CDC42SE2: variants seen among roughly 807,000 people sequenced by gnomAD.
The protein encoded by CDC42SE2 is CDC42 small effector protein 2.
In CDC42SE2, 3 loss-of-function variants were observed where a neutral mutation model predicts 11.5. That is an observed-to-expected ratio of 0.26 (90% confidence interval 0.12 to 0.67). The LOEUF is 0.67. Among genes scored for constraint, CDC42SE2 ranks in the 30% least tolerant of loss-of-function variants. CDC42SE2 has a pLI of 0.80. For synonymous variants in CDC42SE2, 33 were observed against 34.8 expected, an observed-to-expected ratio of 0.95 and a Z score of 0.18; for missense variants, 82 against 106.8, an observed-to-expected ratio of 0.77 and a Z score of 1.02.
chr5:131,224,659 T>A, the CDC42SE2 span, among the ~76,000 whole-genome samples: 4 of 152,070 alleles, frequency 2.6e-5, no homozygotes, highest in Admixed American at 2.6e-4. Context: ...GTGAGCTTCA[T>A]AAATGTAAGA....
the CDC42SE2 span, among the ~76,000 whole-genome samples, chr5:131,235,291 CAT>C: frequency 6.9e-5 from 9 of 130,914 alleles, no homozygotes; most frequent in African/African-American, 3.4e-4. Context: ...CACATCCAGA[CAT>C]TTTTTTTTTT....
intron 2 of CDC42SE2, among the ~76,000 whole-genome samples, chr5:131,342,282 A>T (rs1580766651): frequency 6.8e-6 from 1 of 147,544 alleles, no homozygotes; most frequent in Admixed American, 6.7e-5. Flanking sequence ...CCTTCTCAAA[A>T]AAAAAAAAAA....
the CDC42SE2 span, among the ~76,000 whole-genome samples, chr5:131,232,952 A>T: frequency 1.2e-4 from 18 of 151,358 alleles, no homozygotes; most frequent in Admixed American, 6.6e-4. Context: ...AAAGAAAAAA[A>T]TTTTTTGAAA....
At chr5:131,306,585 T>C (rs1757782965) in intron 1 of CDC42SE2, among the ~76,000 whole-genome samples, 2 of 152,216 alleles carry the variant, frequency 1.3e-5, no homozygotes. Context: ...TCTTTTGTGG[T>C]TTTATATGAA....
chr5:131,239,352 A>T, the CDC42SE2 span, among the ~76,000 whole-genome samples: 2 of 151,482 alleles, frequency 1.3e-5, no homozygotes, highest in African/African-American at 4.9e-5. Flanking sequence ...TGGGAGTATC[A>T]CTTGAGCCCA....
At chr5:131,238,500 T>TAAAAA in the CDC42SE2 span, among the ~76,000 whole-genome samples, 2 of 103,546 alleles carry the variant, frequency 1.9e-5, no homozygotes, top group African/African-American at 3.4e-5. Context: ...CAGACTCGTC[T>TAAAAA]AAAAAAAAAA....
chr5:131,323,190 C>CTT (rs397884786), intron 2 of CDC42SE2, among the ~76,000 whole-genome samples: 11 of 137,152 alleles, frequency 8.0e-5, no homozygotes, highest in African/African-American at 2.9e-4. Flanking sequence ...CCACACCTGG[C>CTT]TTTTTTTTTT....
At chr5:131,390,661 C>T (rs545648155) in intron 4 of CDC42SE2, among the ~76,000 whole-genome samples, 7 of 151,440 alleles carry the variant, frequency 4.6e-5, no homozygotes, top group East Asian at 1.9e-4. Context: ...GGCAACAGAG[C>T]GAGACTGTCT....
chr5:131,345,273 T>A (rs1310054049), intron 2 of CDC42SE2, among the ~76,000 whole-genome samples: 1 of 151,974 alleles, frequency 6.6e-6, no homozygotes, highest in East Asian at 1.9e-4. Context: ...ATGAGACGAA[T>A]GGCTAACTAG....
chr5:131,274,470 G>A (rs1757059800), intron 1 of CDC42SE2, among the ~76,000 whole-genome samples: 1 of 152,184 alleles, frequency 6.6e-6, no homozygotes, highest in African/African-American at 2.4e-5. Flanking sequence ...TGCCACCTCT[G>A]TAAGCAACCA....
intron 3 of CDC42SE2, among the ~76,000 whole-genome samples, chr5:131,374,314 G>A (rs1750089428): frequency 6.6e-6 from 1 of 151,988 alleles, no homozygotes. Context: ...GGAGGCCAAG[G>A]CAGGTGGATC....
intron 2 of CDC42SE2, among the ~76,000 whole-genome samples, chr5:131,355,595 T>C (rs553601748): frequency 7.9e-5 from 12 of 152,322 alleles, no homozygotes; most frequent in African/African-American, 2.6e-4. Flanking sequence ...AAATTAGTGC[T>C]ATAACTGTCA....
At chr5:131,311,483 T>G (rs1290702149) in intron 1 of CDC42SE2, among the ~76,000 whole-genome samples, 1 of 151,638 alleles carries the variant, frequency 6.6e-6, no homozygotes. Context: ...AATCTGAACG[T>G]TGGCCTGCCT....
At chr5:131,257,988 T>C (rs1756691873) in intron 2 of CDC42SE2, among the ~76,000 whole-genome samples, 1 of 152,076 alleles carries the variant, frequency 6.6e-6, no homozygotes, top group East Asian at 1.9e-4. Flanking sequence ...AGAAGTATCC[T>C]CTCCTCTGCA....
chr5:131,278,508 G>T (rs1304706819), intron 1 of CDC42SE2, among the ~76,000 whole-genome samples: 2 of 21,218 alleles, frequency 9.4e-5, no homozygotes, highest in African/African-American at 1.7e-3. Context: ...CCAGCTCCAT[G>T]TGTGACATCA....
intron 1 of CDC42SE2, among the ~76,000 whole-genome samples, chr5:131,272,545 C>G (rs994349084): frequency 6.6e-6 from 1 of 152,118 alleles, no homozygotes. Flanking sequence ...ATGGTCTCCA[C>G]TCGTGCTCCT....
At chr5:131,339,115 G>T (rs897097822) in intron 2 of CDC42SE2, among the ~76,000 whole-genome samples, 3 of 151,746 alleles carry the variant, frequency 2.0e-5, no homozygotes, top group African/African-American at 7.3e-5. Context: ...GGGCGTAGTG[G>T]TGCACGTCTG....
intron 2 of CDC42SE2, among the ~76,000 whole-genome samples, chr5:131,325,817 T>G (rs888313025): frequency 6.6e-6 from 1 of 151,464 alleles, no homozygotes; most frequent in African/African-American, 2.5e-5. Context: ...CTTCCTAATA[T>G]GATAATCAGA....
chr5:131,348,559 G>A (rs10214114), intron 2 of CDC42SE2, among the ~76,000 whole-genome samples: 18,740 of 152,006 alleles, frequency 0.12, 2,674 homozygotes, highest in African/African-American at 0.35. Flanking sequence ...GAAAATGGCC[G>A]TACTGCCCAA....
Sources: allele counts gnomAD v4.1 joint callset (sites outside exome capture counted in the v4.1 genomes callset), GRCh38; gene constraint gnomAD v4.1.1; transcripts MANE v1.5; gene names NCBI Gene and HGNC (gene_info 2026-07-23, HGNC 2026-07-21).